Variants in TMC4 observed in about 807,000 individuals in gnomAD.
The protein encoded by TMC4 is voltage-gated chloride channel TMC4.
A neutral mutation model predicts 82.0 loss-of-function variants in TMC4; 70 were observed. The ratio of observed to expected loss-of-function variants is 0.85; its 90% CI spans 0.70 to 1.04. The LOEUF (loss-of-function observed/expected upper bound fraction) is 1.04, where lower values mean the gene tolerates loss of function less well. Ranked by LOEUF, TMC4 falls within the 50% of genes least tolerant of loss-of-function variation. TMC4 has a pLI of 0.00. For missense variants in TMC4, 879 were observed against 899.0 expected (o/e 0.98, Z 0.28); for synonymous variants, 446 against 406.0 (o/e 1.10, Z -1.18).
At position 54,165,229 on chromosome 19, in the gene TMC4, C is replaced by T. The variant is rs963165091; in HGVS notation, c.945+190G>A. On this transcript the variant is annotated intron_variant, in intron 6 of 14. Transcript: ENST00000619895. ...AGCCCTGGCGCATCCTTTTCCTACA[C>T]GCTTGGAGCTCGGGCAGCCCTATCT... Among the ~76,000 whole-genome samples, 6 of 152,112 alleles carry T rather than the reference C, an allele frequency of 3.9e-5. No homozygotes were observed. Among genetic ancestry groups the T allele is most frequent in the Admixed American group, 3.9e-4 (6 of 15,268 alleles).
chr19:54,168,603 GCA>G lies in TMC4; in HGVS notation c.518_519del (p.Val173AlafsTer32). 1 of 1,596,280 alleles carries G rather than the reference GCA, an allele frequency of 6.3e-7. No homozygotes were observed. Among genetic ancestry groups the G allele is most frequent in the Non-Finnish European group, 8.5e-7 (1 of 1,171,862 alleles). The stretch of plus-strand genomic sequence containing the variant: ...GGCAGCAGCGTCATGCAGGCCATGA[GCA>G]CAGAGGCCAGCACGTTAAGAAGGAG... ...FLLLLNVLAS[V>X]LMACMTLLPT... On this transcript the variant is annotated frameshift_variant, in exon 4 of 15. Transcript: ENST00000619895. LOFTEE classifies it high-confidence loss of function.
chr19:54,163,953 C>G, intron 7 of TMC4, 66 bp from the exon 8 acceptor site: 5 of 1,527,632 alleles, frequency 3.3e-6, no homozygotes, highest in Non-Finnish European at 4.4e-6. Flanking sequence ...AAGGTCCTCC[C>G]CCCGGCCTCT....
intron 8 of TMC4, 64 bp downstream of exon 8, chr19:54,163,660 C>T (rs1344903406): frequency 4.5e-6 from 7 of 1,568,876 alleles, no homozygotes; most frequent in East Asian, 2.2e-5. Flanking sequence ...TACCTGTCAG[C>T]GCCAACATCC....
chr19:54,163,058 C>A lies in TMC4; in HGVS notation c.1379G>T (p.Cys460Phe), dbSNP rs938018797. The A allele has an allele frequency of 3.7e-6, 6 of 1,614,170 alleles. No individual in the cohort carries two copies. Among genetic ancestry groups the A allele is most frequent in the Non-Finnish European group, 5.1e-6 (6 of 1,180,026 alleles). Residue 460 changes from cysteine to phenylalanine, a missense_variant, in exon 9 of 15, where the codon TGT becomes TTT. Physicochemically the swap from Cys to Phe is radical, Grantham distance 205. Transcript: ENST00000619895. The stretch of plus-strand genomic sequence containing the variant: ...CGGAAGTTGTTTGTAATTGTAGCCA[C>A]AGGTTTTGCAGTCCTCAGCCTCGGA... Reference protein sequence around the residue: ...GDSEAEDCKTCGYNYKQLPCW... With the variant: ...GDSEAEDCKTFGYNYKQLPCW...
chr19:54,164,402 C>G (rs371539421), intron 7 of TMC4, 32 bp downstream of exon 7: 1 of 1,582,378 alleles, frequency 6.3e-7, no homozygotes, highest in Non-Finnish European at 8.6e-7. Flanking sequence ...GTTCCAGGAC[C>G]CCCTGGCTTC....
At chr19:54,171,023 T>C (rs1299913672) in intron 2 of TMC4, among the ~76,000 whole-genome samples, 14 of 139,854 alleles carry the variant, frequency 1.0e-4, no homozygotes, top group Non-Finnish European at 1.5e-4. Context: ...GGAGTGTTGA[T>C]ACATTGTTAT....
intron 7 of TMC4, 22 bp from the exon 8 acceptor site, chr19:54,163,909 AG>A (rs1312514859): frequency 7.4e-6 from 12 of 1,612,654 alleles, no homozygotes; most frequent in Non-Finnish European, 1.0e-5. Flanking sequence ...ATGGACCATG[AG>A]TAGAGGCTTG....
chr19:54,168,126 C>A, intron 5 of TMC4, 45 bp downstream of exon 5: 2 of 1,564,904 alleles, frequency 1.3e-6, no homozygotes, highest in East Asian at 2.3e-5. Flanking sequence ...TGCTTCCCCA[C>A]CCCAACCCGT....
rs1450491372 is a variant in TMC4, at chr19:54,160,527, A to G, written c.1992T>C (p.Thr664=). ...GTCCGTAGGAGTTAGCCAGAGCCAC[A>G]GTGTACGCCATCAGGATGCTGAAGG... is the stretch of plus-strand genomic sequence containing the variant. ...LLISSILMAY[T]VALANSYGRL... is the part of the protein sequence containing the mutation. Residue 664 remains threonine (T), a synonymous_variant, in exon 14 of 15, where the codon ACT becomes ACC. Coordinates refer to ENST00000619895, the MANE Select transcript of TMC4 (RefSeq NM_144686.4). The G allele has an allele frequency of 1.2e-6, 2 of 1,614,108 alleles. No individual in the cohort carries two copies. Among genetic ancestry groups the G allele is most frequent in the South Asian group, 2.2e-5 (2 of 91,086 alleles).
intron 8 of TMC4, 81 bp downstream of exon 8, chr19:54,163,643 C>T (rs760866194): frequency 4.0e-6 from 6 of 1,518,916 alleles, no homozygotes; most frequent in Admixed American, 3.3e-5. Context: ...GCAGGATTTC[C>T]GTGTCTTACC....
intron 3 of TMC4, among the ~76,000 whole-genome samples, chr19:54,168,963 CCTTCTT>C (rs1185132676): frequency 3.9e-5 from 1 of 25,814 alleles, no homozygotes; most frequent in Non-Finnish European, 6.7e-5. Flanking sequence ...TTCCTTCCTT[CCTTCTT>C]CTTTCTCTCT....
chr19:54,160,957 T>G lies in TMC4; in HGVS notation c.1894A>C (p.Ser632Arg), dbSNP rs1241851867. 4.3e-6 allele frequency: 7 copies of G among 1,613,906 alleles called. No homozygotes were observed. Residue 632 changes from serine to arginine, a missense_variant, in exon 13 of 15, where the codon AGC (serine) becomes CGC (arginine). Coordinates refer to ENST00000619895, the MANE Select transcript of TMC4 (RefSeq NM_144686.4). ...IWAQIPESIS[S>R]LPETTQNFLF... The stretch of plus-strand genomic sequence containing the variant: ...AAATTCTGGGTGGTCTCAGGGAGGC[T>G]GGAAATAGACTCAGGGATCTGGGCC...
At chr19:54,160,404 A>C (rs201701199) in intron 14 of TMC4, 30 bp from the exon 15 acceptor site, 3 of 1,582,114 alleles carry the variant, frequency 1.9e-6, no homozygotes, top group Non-Finnish European at 2.6e-6. Flanking sequence ...AGGTGAGACA[A>C]TCCTCTTCCC....
At chr19:54,167,324 G>A (rs189009334) in intron 5 of TMC4, among the ~76,000 whole-genome samples, 175 of 152,094 alleles carry the variant, frequency 1.2e-3, no homozygotes, top group Non-Finnish European at 2.1e-3. Flanking sequence ...TTGGGAGGCC[G>A]AGGCAGGTGG....
At position 54,162,390 on chromosome 19, in the gene TMC4, G is replaced by GGT. The variant is rs1555820291; in HGVS notation, c.1503-106_1503-105insAC. 12 of 51,422 alleles carry GGT rather than the reference G, an allele frequency of 2.3e-4. No individual in the cohort carries two copies. The East Asian group carries it at 2.5e-3, about 11-fold the overall frequency. 3.2% of individuals were successfully genotyped at this position (51,422 alleles called of 1,614,324 possible). Reference sequence around the variant, plus strand: ...AATAGGAAGCATGCGTATTGGTGGTGGGGGGGGGGGGGGCGGGACTTTCAG... The same window carrying GGT: ...AATAGGAAGCATGCGTATTGGTGGTGGTGGGGGGGGGGGGGCGGGACTTTCAG... On this transcript the variant is annotated intron_variant, in intron 10 of 14. Coordinates refer to ENST00000619895, the MANE Select transcript of TMC4 (RefSeq NM_144686.4).
chr19:54,172,213 C>T, intron 1 of TMC4, 130 bp from the exon 2 acceptor site: 1 of 508,826 alleles, frequency 2.0e-6, no homozygotes, highest in Non-Finnish European at 3.3e-6. Context: ...GCTCCTCCTC[C>T]CTCAGACCCA....
At chr19:54,166,932 G>A (rs1018439819) in intron 5 of TMC4, among the ~76,000 whole-genome samples, 1 of 151,092 alleles carries the variant, frequency 6.6e-6, no homozygotes, top group Admixed American at 6.6e-5. Flanking sequence ...TAGCCTGGGT[G>A]ACAGAGCGAG....
At chr19:54,161,577 C>A (rs992366714) in intron 11 of TMC4, among the ~76,000 whole-genome samples, 5 of 152,192 alleles carry the variant, frequency 3.3e-5, no homozygotes, top group Non-Finnish European at 5.9e-5. Context: ...CTCGCTCTGT[C>A]GCCCAGGCTG....
Position 54,173,070 on chromosome 19 carries a change from C to T in TMC4, c.48G>A (p.Arg16=), listed in dbSNP as rs1436921258. 5 of 1,613,372 alleles carry T rather than the reference C, an allele frequency of 3.1e-6. No homozygotes were observed. The South Asian group carries it at 3.3e-5, about 11-fold the overall frequency. Residue 16 remains arginine (R), a synonymous_variant, in exon 1 of 15, where the codon AGG becomes AGA. Coordinates refer to ENST00000619895, the MANE Select transcript of TMC4 (RefSeq NM_144686.4). ...TGGCCTCCCGGGGGGCCAGCCACTC[C>T]CTAGAGGAGCCCCAGGCTTCTGATT... The part of the protein sequence containing the change: ...TLESEAWGSS[R]EWLAPREARG...
Sources: allele counts gnomAD v4.1 joint callset (sites outside exome capture counted in the v4.1 genomes callset), GRCh38; gene constraint gnomAD v4.1.1; transcripts MANE v1.5; gene names NCBI Gene and HGNC (gene_info 2026-07-23, HGNC 2026-07-21).